ZNG1B: variants seen among roughly 807,000 people sequenced by gnomAD.
The protein encoded by ZNG1B is zinc-regulated GTPase metalloprotein activator 1B.
the ZNG1B span, among the ~76,000 whole-genome samples, chr2:113,448,874 G>T: frequency 0.025 from 3,729 of 150,978 alleles, 154 homozygotes; most frequent in African/African-American, 0.084. Flanking sequence ...TTGCACTCCA[G>T]CCTGGGTGAC....
chr2:113,487,696 TATATGACGGG>T, the ZNG1B span, among the ~76,000 whole-genome samples: 2,335 of 149,454 alleles, frequency 0.016, 72 homozygotes, highest in African/African-American at 0.057. Flanking sequence ...CATGTTGTAG[TATATGACGGG>T]ATTTTTTTTA....
At chr2:113,488,905 T>G in the ZNG1B span, among the ~76,000 whole-genome samples, 4 of 151,622 alleles carry the variant, frequency 2.6e-5, no homozygotes, top group African/African-American at 9.7e-5. Context: ...CCGGCATTCC[T>G]GAGGAAGAAG....
At chr2:113,482,084 GA>G in the ZNG1B span, 6 of 844,850 alleles carry the variant, frequency 7.1e-6, no homozygotes, top group Non-Finnish European at 1.1e-5. Context: ...GTCAGTTATG[GA>G]AAGTCACTTC....
chr2:113,442,777 G>A, the ZNG1B span, among the ~76,000 whole-genome samples: 1 of 152,166 alleles, frequency 6.6e-6, no homozygotes, highest in African/African-American at 2.4e-5. Flanking sequence ...ATACGTAAGT[G>A]TAAAACTACT....
chr2:113,470,926 A>G, the ZNG1B span: 4 of 1,193,062 alleles, frequency 3.4e-6, no homozygotes, highest in Non-Finnish European at 4.8e-6. Context: ...GCCCACTTCT[A>G]TGAATTTTAT....
chr2:113,457,432 A>G, the ZNG1B span, among the ~76,000 whole-genome samples: 1 of 142,502 alleles, frequency 7.0e-6, no homozygotes, highest in Non-Finnish European at 1.6e-5. Context: ...TTGACACTAG[A>G]TTTATTTCCA....
the ZNG1B span, among the ~76,000 whole-genome samples, chr2:113,459,487 G>A: frequency 1.3e-5 from 2 of 151,896 alleles, no homozygotes; most frequent in South Asian, 4.2e-4. Context: ...TGGCATAAAA[G>A]ATTTCACAAA....
the ZNG1B span, among the ~76,000 whole-genome samples, chr2:113,452,091 G>A: frequency 2.0e-5 from 3 of 152,108 alleles, no homozygotes; most frequent in South Asian, 4.1e-4. Flanking sequence ...TAATTGTCAT[G>A]GTAAAGTAAT....
chr2:113,457,028 C>G, the ZNG1B span: 1 of 454,490 alleles, frequency 2.2e-6, no homozygotes, highest in African/African-American at 2.0e-5. Flanking sequence ...ATGGGATTGT[C>G]ACCCATTGAT....
chr2:113,450,063 CT>C, the ZNG1B span, among the ~76,000 whole-genome samples: 13 of 136,582 alleles, frequency 9.5e-5, no homozygotes, highest in South Asian at 2.4e-4. Flanking sequence ...CTTGAAGGCA[CT>C]TTTTTTTTTT....
At chr2:113,440,934 C>T in the ZNG1B span, among the ~76,000 whole-genome samples, 1 of 142,822 alleles carries the variant, frequency 7.0e-6, no homozygotes, top group Non-Finnish European at 1.5e-5. Flanking sequence ...AACATTCTGT[C>T]CATTGTTGAC....
chr2:113,456,333 CA>C, the ZNG1B span, among the ~76,000 whole-genome samples: 4 of 151,700 alleles, frequency 2.6e-5, no homozygotes, highest in South Asian at 2.1e-4. Context: ...ATGGAGGTAG[CA>C]AAAAAGCCCC....
the ZNG1B span, chr2:113,443,841 G>A: frequency 2.7e-4 from 435 of 1,598,194 alleles, no homozygotes; most frequent in Non-Finnish European, 3.5e-4. Flanking sequence ...ACTTAGAAAC[G>A]GTTGCCTCTG....
the ZNG1B span, chr2:113,453,280 G>C: frequency 6.4e-7 from 1 of 1,572,824 alleles, no homozygotes; most frequent in Non-Finnish European, 8.6e-7. Context: ...GTCTCACTTT[G>C]TTGCCCAGAC....
the ZNG1B span, among the ~76,000 whole-genome samples, chr2:113,477,216 C>T: frequency 4.4e-4 from 67 of 152,324 alleles, no homozygotes; most frequent in Middle Eastern, 3.4e-3. Context: ...GATATAATCT[C>T]GTGGTGCGCC....
chr2:113,481,669 T>G, the ZNG1B span: 3 of 155,280 alleles, frequency 1.9e-5, no homozygotes, highest in East Asian at 5.8e-4. Flanking sequence ...AATTGGTAAC[T>G]GACTATATAG....
chr2:113,439,542 T>A, the ZNG1B span, among the ~76,000 whole-genome samples: 2 of 152,214 alleles, frequency 1.3e-5, no homozygotes, highest in Non-Finnish European at 2.9e-5. Flanking sequence ...ATGATCTTTA[T>A]AAATGTCAAT....
the ZNG1B span, among the ~76,000 whole-genome samples, chr2:113,453,698 T>C: frequency 5.8e-3 from 872 of 150,770 alleles, 6 homozygotes; most frequent in African/African-American, 0.021. Flanking sequence ...CCCCAGACAG[T>C]GGTGGAACTC....
the ZNG1B span, among the ~76,000 whole-genome samples, chr2:113,459,900 G>A: frequency 2.9e-5 from 4 of 136,762 alleles, no homozygotes; most frequent in Non-Finnish European, 6.3e-5. Context: ...GGATTATGAG[G>A]GGGAAAAAAA....
Sources: gnomAD v4.1 joint callset for allele counts (sites outside exome capture counted in the v4.1 genomes callset) on GRCh38, gnomAD v4.1.1 for gene constraint, MANE v1.5 for transcripts, NCBI Gene and HGNC (gene_info 2026-07-23, HGNC 2026-07-21) for gene names.